The following TLN2 variants were observed in gnomAD, a reference collection of about 807,000 sequenced individuals.
The protein encoded by TLN2 is talin-2.
A neutral mutation model predicts 294.7 loss-of-function variants in TLN2; 118 were observed. That is an observed-to-expected ratio of 0.40 (90% CI 0.34 to 0.47). TLN2 has a LOEUF of 0.47. Among genes scored for constraint, TLN2 ranks in the 20% least tolerant of loss-of-function variants. The probability of loss-of-function intolerance (pLI) is 0.84; values close to 1 mark genes in which losing one functional copy is unlikely to be tolerated. For missense variants in TLN2, 3,083 were observed against 3,282.2 expected, an observed-to-expected ratio of 0.94 and a Z score of 1.48; for synonymous variants, 1,431 against 1,304.5, an observed-to-expected ratio of 1.10 and a Z score of -2.09.
chr15:62,661,525 G>T (rs913737951), intron 9 of TLN2, among the ~76,000 whole-genome samples: 1 of 152,108 alleles, frequency 6.6e-6, no homozygotes. Flanking sequence ...AATAGGAGAA[G>T]TGCAGGGCGG....
At chr15:62,832,391 C>G (rs1209433103) in intron 54 of TLN2, 1 of 152,188 alleles carries the variant, frequency 6.6e-6, no homozygotes, top group East Asian at 1.9e-4. Context: ...CTGAGGGCAG[C>G]TTAACCAAAT....
At chr15:62,419,982 C>G (rs2034301519) in intron 1 of TLN2, among the ~76,000 whole-genome samples, 1 of 152,192 alleles carries the variant, frequency 6.6e-6, no homozygotes, top group Admixed American at 6.5e-5. Flanking sequence ...TTTACTTCCT[C>G]AAAGATGGGC....
chr15:62,716,417 T>C lies in TLN2; in HGVS notation c.2721T>C (p.Ala907=). 6.2e-7 allele frequency: 1 copy of C among 1,610,900 alleles called. No individual in the cohort carries two copies. The highest frequency in any genetic ancestry group is 8.5e-7 in the Non-Finnish European group (1 of 1,178,726). The change falls in exon 23 of 59, where the codon GCT becomes GCC. Residue 907 remains alanine, a synonymous_variant. Transcript: ENST00000636159. ...AEGLRVATNA[A]AQNAIKKKIV... ...GCCTCCGGGTAGCAACCAACGCAGC[T>C]GCCCAGAATGCTATTAAGAAAAAAA...
intron 1 of TLN2, among the ~76,000 whole-genome samples, chr15:62,582,112 C>A (rs1234226323): frequency 6.7e-6 from 1 of 150,348 alleles, no homozygotes; most frequent in African/African-American, 2.5e-5. Context: ...GAGAGGAAAA[C>A]GAGGGCTTAA....
intron 52 of TLN2, among the ~76,000 whole-genome samples, chr15:62,813,133 C>T (rs1007215336): frequency 1.3e-5 from 2 of 152,192 alleles, no homozygotes; most frequent in African/African-American, 4.8e-5. Flanking sequence ...ACAGATTGCA[C>T]TTTGTGGCCA....
chr15:62,479,392 G>C (rs1440281370), intron 1 of TLN2, among the ~76,000 whole-genome samples: 1 of 152,204 alleles, frequency 6.6e-6, no homozygotes, highest in Non-Finnish European at 1.5e-5. Context: ...TTCAAGGACT[G>C]TCTGAAGTGT....
At chr15:62,574,281 T>TA (rs1473706135) in intron 1 of TLN2, among the ~76,000 whole-genome samples, 1 of 151,958 alleles carries the variant, frequency 6.6e-6, no homozygotes, top group Non-Finnish European at 1.5e-5. Flanking sequence ...GGAAGGCTTT[T>TA]AAAAAACATG....
intron 1 of TLN2, among the ~76,000 whole-genome samples, chr15:62,466,186 G>T (rs1047365409): frequency 2.0e-5 from 3 of 152,180 alleles, no homozygotes; most frequent in East Asian, 3.8e-4. Flanking sequence ...TCTAGGGGTT[G>T]CAAAACCTCC....
chr15:62,620,575 C>G (rs1364456582), intron 3 of TLN2, among the ~76,000 whole-genome samples: 2 of 151,532 alleles, frequency 1.3e-5, no homozygotes, highest in East Asian at 3.9e-4. Flanking sequence ...ACCTCCTGGG[C>G]TCAAGCAATC....
chr15:62,466,673 G>C (rs2037152766), intron 1 of TLN2, among the ~76,000 whole-genome samples: 1 of 152,204 alleles, frequency 6.6e-6, no homozygotes, highest in African/African-American at 2.4e-5. Flanking sequence ...GAGATATTTA[G>C]TATTTACTGT....
At chr15:62,589,368 G>A (rs1221746974) in intron 1 of TLN2, among the ~76,000 whole-genome samples, 2 of 152,100 alleles carry the variant, frequency 1.3e-5, no homozygotes, top group African/African-American at 2.4e-5. Context: ...TTTTGTTTTC[G>A]ACATTGAGGG....
chr15:62,840,547 G>A lies in TLN2; in HGVS notation c.7566G>A (p.Leu2522=), dbSNP rs2070546062. The change falls in exon 59 of 59, where the codon CTG becomes CTA. Residue 2522 remains leucine (L), a synonymous_variant. Coordinates refer to ENST00000636159, the MANE Select transcript of TLN2 (RefSeq NM_015059.3). The part of the protein sequence containing the change: ...ERELEEARKK[L]AQIRQQQYKF... The stretch of plus-strand genomic sequence containing the variant: ...AACTGGAAGAAGCAAGGAAAAAACT[G>A]GCCCAAATCCGCCAGCAGCAGTATA... The A allele has an allele frequency of 6.2e-7, 1 of 1,614,188 alleles. No homozygotes were observed. Among genetic ancestry groups the A allele is most frequent in the South Asian group, 1.1e-5 (1 of 91,082 alleles).
chr15:62,448,221 T>C lies in TLN2; in HGVS notation c.-238+57536T>C, dbSNP rs547702347. Among the ~76,000 whole-genome samples the C allele has an allele frequency of 3.3e-5, 5 of 152,344 alleles. No individual in the cohort carries two copies. In the South Asian group the frequency reaches 8.3e-4, roughly 25 times the overall value. On this transcript the variant is annotated intron_variant, in intron 1 of 58. Transcript: ENST00000636159. ...GGGAAGGCTTGGGTGATCTATGTGC[T>C]ATCCGCTGCAGTCCACAGCACTGAG...
Position 62,441,258 on chromosome 15 carries a change from G to A in TLN2, c.-238+50573G>A, listed in dbSNP as rs139849254. On this transcript the variant is annotated intron_variant, in intron 1 of 58. Coordinates refer to ENST00000636159, the MANE Select transcript of TLN2 (RefSeq NM_015059.3). Reference sequence around the variant, plus strand: ...ACTTATCTAATATTTTTGAGACACCGTCTTGCTCTGTCACCCAGGCTGGAG... The same window carrying A: ...ACTTATCTAATATTTTTGAGACACCATCTTGCTCTGTCACCCAGGCTGGAG... Among the ~76,000 whole-genome samples the A allele has an allele frequency of 1.6e-3, 242 of 152,294 alleles. 2 individuals are homozygous for A. Among genetic ancestry groups the A allele is most frequent in the African/African-American group, 5.7e-3 (238 of 41,556 alleles).
Position 62,792,689 on chromosome 15 carries a change from A to G in TLN2, c.5785A>G (p.Ile1929Val), listed in dbSNP as rs1206340235. Residue 1929 changes from isoleucine (I) to valine (V), a missense_variant, in exon 46 of 59, where the codon ATC (isoleucine) becomes GTC (valine). Physicochemically the swap from Ile to Val is conservative, Grantham distance 29. Transcript: ENST00000636159. ...TRVQDLGHGCIFLVQKAGALQ... is the reference protein window; with the variant it reads ...TRVQDLGHGCVFLVQKAGALQ... ...TGTGCAGGACCTGGGCCACGGCTGTATCTTCCTGGTGCAGAAGGCAGGGGC... is the reference window on the plus strand; with the variant it reads ...TGTGCAGGACCTGGGCCACGGCTGTGTCTTCCTGGTGCAGAAGGCAGGGGC... 2 of 1,613,958 alleles carry G rather than the reference A, an allele frequency of 1.2e-6. No individual in the cohort carries two copies. Among genetic ancestry groups the G allele is most frequent in the South Asian group, 2.2e-5 (2 of 91,074 alleles).
chr15:62,784,052 C>T, intron 45 of TLN2, 162 bp downstream of exon 45: 1 of 1,262,354 alleles, frequency 7.9e-7, no homozygotes, highest in African/African-American at 1.5e-5. Flanking sequence ...GACCAGGTAG[C>T]CCCAGGCTGT....
chr15:62,527,524 A>G (rs1329034355), intron 1 of TLN2, among the ~76,000 whole-genome samples: 1 of 152,222 alleles, frequency 6.6e-6, no homozygotes, highest in East Asian at 1.9e-4. Context: ...GTCACAGGCA[A>G]AAATGATGAC....
chr15:62,644,188 C>T (rs928656232), intron 3 of TLN2, among the ~76,000 whole-genome samples: 4 of 150,090 alleles, frequency 2.7e-5, no homozygotes, highest in African/African-American at 9.8e-5. Context: ...CTAAAGCCCT[C>T]CAATTTGCCA....
intron 32 of TLN2, among the ~76,000 whole-genome samples, chr15:62,744,673 A>G (rs2061518413): frequency 6.6e-6 from 1 of 151,976 alleles, no homozygotes; most frequent in African/African-American, 2.4e-5. Flanking sequence ...CAGCCTCCCG[A>G]GTAGCTGGGA....
Sources: gnomAD v4.1 joint callset for allele counts (sites outside exome capture counted in the v4.1 genomes callset) on GRCh38, gnomAD v4.1.1 for gene constraint, MANE v1.5 for transcripts, NCBI Gene and HGNC (gene_info 2026-07-23, HGNC 2026-07-21) for gene names.